BIRC6: variants seen among roughly 807,000 people sequenced by gnomAD.
BIRC6 encodes the protein dual E2 ubiquitin-conjugating enzyme/E3 ubiquitin-protein ligase BIRC6.
In BIRC6, 98 loss-of-function variants were observed where a neutral mutation model predicts 503.3. That is an observed-to-expected ratio of 0.19 (90% CI 0.17 to 0.23). The LOEUF (loss-of-function observed/expected upper bound fraction) is 0.23. BIRC6 is among the 10% of genes least tolerant of loss of function. BIRC6 has a pLI of 1.00. For synonymous variants in BIRC6, 2,240 were observed against 2,078.7 expected, an observed-to-expected ratio of 1.08 and a Z score of -2.11; for missense variants, 5,360 against 5,806.0, an observed-to-expected ratio of 0.92 and a Z score of 2.50.
intron 57 of BIRC6, 127 bp from the exon 58 acceptor site, chr2:32,524,761 A>G (rs1295649815): frequency 4.7e-6 from 3 of 639,328 alleles, no homozygotes; most frequent in East Asian, 4.2e-5. Flanking sequence ...CATTTCTCCT[A>G]AATTCCTTTA....
chr2:32,467,867 T>C lies in BIRC6; in HGVS notation c.5572-36T>C, dbSNP rs368499067. The C allele has an allele frequency of 4.6e-6, 7 of 1,515,094 alleles. No homozygotes were observed. The African/African-American group carries it at 5.5e-5, about 12-fold the overall frequency. 93.9% of individuals were successfully genotyped at this position (1,515,094 alleles called of 1,614,324 possible). A position where few individuals can be genotyped will look rare whatever the true frequency, so the allele number is the denominator to read the frequency against. On this transcript the variant is annotated intron_variant, in intron 27 of 73. Coordinates refer to ENST00000421745, the MANE Select transcript of BIRC6 (RefSeq NM_016252.4). ...TTGCTCAGATTTTTATTGTGGCAGA[T>C]GTGTATATATGTATATTTATAATTT...
chr2:32,369,105 G>C lies in BIRC6; in HGVS notation c.326-8483G>C, dbSNP rs183546296. Among the ~76,000 whole-genome samples the C allele has an allele frequency of 6.4e-4, 98 of 152,318 alleles. 1 individual carries two copies. The South Asian group carries it at 9.7e-3, about 15-fold the overall frequency. ...TTGAGTAAAGATCTGCATGATGCAAGATAGCATCAGTACAGATATCCAGGG... is the reference window on the plus strand; with the variant it reads ...TTGAGTAAAGATCTGCATGATGCAACATAGCATCAGTACAGATATCCAGGG... On this transcript the variant is annotated intron_variant, in intron 1 of 73. Transcript: ENST00000421745.
intron 63 of BIRC6, among the ~76,000 whole-genome samples, chr2:32,546,942 G>C (rs1012656162): frequency 1.3e-5 from 2 of 152,130 alleles, no homozygotes; most frequent in African/African-American, 4.8e-5. Context: ...AGCCGGGCCT[G>C]GTGGCTCACA....
At chr2:32,452,273 A>AGGTAAAACATTGTC (rs1190574489) in intron 22 of BIRC6, among the ~76,000 whole-genome samples, 1 of 152,202 alleles carries the variant, frequency 6.6e-6, no homozygotes, top group Non-Finnish European at 1.5e-5. Context: ...ATTTTTAAAT[A>AGGTAAAACATTGTC]GGTAAAACAT....
At chr2:32,417,083 C>T (rs566109753) in intron 10 of BIRC6, among the ~76,000 whole-genome samples, 1 of 152,048 alleles carries the variant, frequency 6.6e-6, no homozygotes, top group Non-Finnish European at 1.5e-5. Flanking sequence ...GTGATCCACC[C>T]ACCTCAGCCT....
chr2:32,536,131 T>C (rs1294482830), intron 61 of BIRC6, among the ~76,000 whole-genome samples: 2 of 152,244 alleles, frequency 1.3e-5, no homozygotes, highest in Non-Finnish European at 2.9e-5. Context: ...TTCATATCCT[T>C]CGCCCACTTT....
At chr2:32,545,323 C>T (rs1264880347) in intron 62 of BIRC6, among the ~76,000 whole-genome samples, 1 of 152,138 alleles carries the variant, frequency 6.6e-6, no homozygotes, top group Admixed American at 6.5e-5. Flanking sequence ...TAAGATACTA[C>T]TAATGCTTCT....
chr2:32,471,002 ATC>A lies in BIRC6; in HGVS notation c.6482-5_6482-4del, dbSNP rs1231460255. On this transcript the variant is annotated splice_polypyrimidine_tract_variant and intron_variant, in intron 31 of 73. Transcript: ENST00000421745. The stretch of plus-strand genomic sequence containing the variant: ...ATCTGGATGTTTTTCCTTTGCTGTC[ATC>A]TCTCTCCAGGAGTACTAGATATTCC... The A allele has an allele frequency of 1.9e-6, 3 of 1,558,320 alleles. No individual in the cohort carries two copies.
chr2:32,553,260 T>C, intron 65 of BIRC6, among the ~76,000 whole-genome samples: 1 of 108,300 alleles, frequency 9.2e-6, no homozygotes, highest in African/African-American at 3.5e-5. Context: ...TTTCATCTTT[T>C]TGAATTTACT....
In BIRC6 at chr2:32,493,021, GT is replaced by G. The variant is rs537057604; in HGVS notation, c.8341-505del. 2.9e-3 allele frequency among the ~76,000 whole-genome samples: 399 copies of G among 136,862 alleles called. 2 individuals carry two copies. Among genetic ancestry groups the G allele is most frequent in the African/African-American group, 6.1e-3 (231 of 37,742 alleles). The allele number at this position is 136,862 out of a possible 152,430, so 89.8% of individuals were successfully genotyped here. ...GATGAATTAGAAGTTTGGGAAAGCAGTTTTTTTTTTTTTTGACTTGGTATAA... is the reference window on the plus strand; with the variant it reads ...GATGAATTAGAAGTTTGGGAAAGCAGTTTTTTTTTTTTTGACTTGGTATAA... On this transcript the variant is annotated intron_variant, in intron 44 of 73. Transcript: ENST00000421745.
intron 52 of BIRC6, 73 bp from the exon 53 acceptor site, chr2:32,510,453 T>G: frequency 1.1e-6 from 1 of 871,772 alleles, no homozygotes; most frequent in South Asian, 1.5e-5. Context: ...AATAACTTAA[T>G]TCAATTAAGT....
chr2:32,421,681 A>G (rs575413820), intron 10 of BIRC6, among the ~76,000 whole-genome samples: 1 of 152,234 alleles, frequency 6.6e-6, no homozygotes, highest in African/African-American at 2.4e-5. Context: ...ACTTATTTCC[A>G]TTGCTGTCAG....
Position 32,510,025 on chromosome 2 carries a change from A to T in BIRC6, c.10237+31A>T, listed in dbSNP as rs766836574. 1.3e-5 allele frequency: 21 copies of T among 1,606,976 alleles called. No homozygotes were observed. The East Asian group carries it at 4.2e-4, about 32-fold the overall frequency. ...AATTAACTTTGATATTTAAATGTTT[A>T]CATATCTGTAAAGTAACAGCAGTTG... On this transcript the variant is annotated intron_variant, in intron 52 of 73. Coordinates refer to ENST00000421745, the MANE Select transcript of BIRC6 (RefSeq NM_016252.4).
At chr2:32,573,146 G>T (rs2060031280) in intron 65 of BIRC6, among the ~76,000 whole-genome samples, 1 of 152,056 alleles carries the variant, frequency 6.6e-6, no homozygotes, top group Admixed American at 6.5e-5. Flanking sequence ...ATTTTTGTTT[G>T]TTTTCTTTAC....
chr2:32,615,626 T>C (rs1409956444), intron 73 of BIRC6, among the ~76,000 whole-genome samples: 1 of 152,088 alleles, frequency 6.6e-6, no homozygotes, highest in Non-Finnish European at 1.5e-5. Flanking sequence ...ATTTAGTTTT[T>C]ATTTATTTTA....
chr2:32,582,535 A>AG (rs971856668), intron 66 of BIRC6, among the ~76,000 whole-genome samples: 13 of 152,156 alleles, frequency 8.5e-5, no homozygotes, highest in Non-Finnish European at 1.6e-4. Context: ...AGGCCGAGGC[A>AG]GGTGGATCAC....
chr2:32,468,304 G>A, intron 28 of BIRC6, 133 bp from the exon 29 acceptor site: 1 of 949,488 alleles, frequency 1.1e-6, no homozygotes, highest in Non-Finnish European at 1.5e-6. Flanking sequence ...CCATTTATTA[G>A]TACCTATCAA....
chr2:32,392,293 G>C (rs2039329566), intron 5 of BIRC6, 143 bp downstream of exon 5: 3 of 615,340 alleles, frequency 4.9e-6, no homozygotes, highest in South Asian at 2.0e-5. Context: ...TGTTTTTTTG[G>C]CCCAGGCTGG....
intron 65 of BIRC6, chr2:32,565,536 A>G (rs2059477838): frequency 6.6e-6 from 1 of 152,174 alleles, no homozygotes. Context: ...TATAGTACTA[A>G]TCTAACTAAT....
Sources: allele counts gnomAD v4.1 joint callset (sites outside exome capture counted in the v4.1 genomes callset), GRCh38; gene constraint gnomAD v4.1.1; transcripts MANE v1.5; gene names NCBI Gene and HGNC (gene_info 2026-07-23, HGNC 2026-07-21).